The following TLK1 variants were observed in gnomAD, a reference collection of about 807,000 sequenced individuals.
The protein encoded by TLK1 is tousled like kinase 1.
A neutral mutation model predicts 105.3 loss-of-function variants in TLK1; 24 were observed. The ratio of observed to expected loss-of-function variants is 0.23; its 90% CI spans 0.17 to 0.32. TLK1 has a LOEUF of 0.32. TLK1 is among the 10% of genes least tolerant of loss of function. The pLI, the probability that TLK1 is intolerant of heterozygous loss-of-function variation, is 1.00. For missense variants in TLK1, 558 were observed against 910.5 expected (o/e 0.61, Z 4.98); for synonymous variants, 321 against 310.4 (o/e 1.03, Z -0.36).
At chr2:171,139,611 C>CA (rs757596743) in intron 1 of TLK1, among the ~76,000 whole-genome samples, 17 of 151,610 alleles carry the variant, frequency 1.1e-4, no homozygotes, top group South Asian at 2.1e-4. Flanking sequence ...AACAAACAAA[C>CA]AACAACAACA....
At chr2:171,101,579 T>C (rs10173304) in intron 2 of TLK1, among the ~76,000 whole-genome samples, 10,211 of 152,192 alleles carry the variant, frequency 0.067, 1,049 homozygotes, top group African/African-American at 0.22. Flanking sequence ...CATAAAAAAG[T>C]GAATACATTA....
chr2:171,180,091 T>C (rs1002675527), intron 1 of TLK1, among the ~76,000 whole-genome samples: 1 of 124,634 alleles, frequency 8.0e-6, no homozygotes, highest in East Asian at 2.5e-4. Context: ...TGAGACTCTG[T>C]CTCAAAAAAA....
chr2:171,161,312 C>T (rs1000609295), upstream of TLK1, among the ~76,000 whole-genome samples: 14 of 152,090 alleles, frequency 9.2e-5, no homozygotes, highest in Non-Finnish European at 2.1e-4. Context: ...TGCTGCTGCT[C>T]TCGCTCAGCT....
intron 8 of TLK1, among the ~76,000 whole-genome samples, chr2:171,050,496 C>T (rs1405698884): frequency 6.6e-6 from 1 of 152,092 alleles, no homozygotes; most frequent in Non-Finnish European, 1.5e-5. Context: ...CACAATCTAC[C>T]TCACTTTGTT....
intron 2 of TLK1, among the ~76,000 whole-genome samples, chr2:171,109,484 C>T (rs1201719282): frequency 4.6e-5 from 7 of 152,066 alleles, no homozygotes; most frequent in African/African-American, 1.2e-4. Flanking sequence ...TTAAAATAAA[C>T]GAGCTGATAT....
At position 170,993,816 on chromosome 2, in the gene TLK1, G is replaced by A; in HGVS notation, c.2265C>T (p.Ser755=). ...TTATGCTTGAAGAAGGGGGTGTAGG[G>A]GATGCTGTCAGCCCAGCCATGTGTA... The part of the protein sequence containing the change: ...GNLHMAGLTA[S]PTPPSSSIIT... The change falls in exon 21 of 21, where the codon TCC becomes TCT. Residue 755 remains serine, a synonymous_variant. Coordinates refer to ENST00000431350, the MANE Select transcript of TLK1 (RefSeq NM_012290.5). The A allele has an allele frequency of 6.2e-7, 1 of 1,610,248 alleles. No homozygotes were observed. Among genetic ancestry groups the A allele is most frequent in the African/African-American group, 1.3e-5 (1 of 74,866 alleles).
intron 10 of TLK1, among the ~76,000 whole-genome samples, chr2:171,049,250 C>T (rs572257499): frequency 2.3e-4 from 35 of 152,226 alleles, no homozygotes; most frequent in Non-Finnish European, 4.3e-4. Context: ...CTGTAACAAC[C>T]TGCATATATA....
chr2:171,035,445 C>A (rs1686280137), intron 11 of TLK1, among the ~76,000 whole-genome samples: 2 of 152,156 alleles, frequency 1.3e-5, no homozygotes, highest in African/African-American at 4.8e-5. Context: ...ATTATGAGGC[C>A]TCCCCAACCA....
At chr2:171,224,238 T>C (rs1693858870) in intron 1 of TLK1, among the ~76,000 whole-genome samples, 1 of 152,204 alleles carries the variant, frequency 6.6e-6, no homozygotes, top group Non-Finnish European at 1.5e-5. Context: ...GGCACTGTTG[T>C]AAAAAATCAG....
chr2:171,049,961 G>GA lies in TLK1; in HGVS notation c.844-12dup, dbSNP rs764814529. On this transcript the variant is annotated splice_polypyrimidine_tract_variant and intron_variant, in intron 9 of 20. Transcript: ENST00000431350. Reference sequence around the variant, plus strand: ...CTTTTCTTGTGTACTCTGAAAAGGAGAAAAAAAATCATCACTCAATTGTAT... The same window carrying GA: ...CTTTTCTTGTGTACTCTGAAAAGGAGAAAAAAAAATCATCACTCAATTGTAT... 7.1e-6 allele frequency: 11 copies of GA among 1,551,604 alleles called. No individual in the cohort carries two copies. Among genetic ancestry groups the GA allele is most frequent in the South Asian group, 2.2e-5 (2 of 89,330 alleles).
At chr2:171,086,542 C>A (rs1688981678) in intron 2 of TLK1, among the ~76,000 whole-genome samples, 1 of 151,328 alleles carries the variant, frequency 6.6e-6, no homozygotes, top group Admixed American at 6.6e-5. Flanking sequence ...AGGAGAAATG[C>A]TTGAATCTGG....
At chr2:170,996,962 A>T (rs1684094695) in intron 19 of TLK1, among the ~76,000 whole-genome samples, 1 of 152,250 alleles carries the variant, frequency 6.6e-6, no homozygotes, top group Non-Finnish European at 1.5e-5. Context: ...TACCTAACAG[A>T]TCTTCAACAT....
chr2:171,022,739 C>T (rs1685586704), intron 12 of TLK1: 1 of 173,650 alleles, frequency 5.8e-6, no homozygotes, highest in Admixed American at 5.7e-5. Flanking sequence ...CCTAAAGTGA[C>T]AAAAAATGTC....
At chr2:171,135,234 T>G (rs964765373) in intron 1 of TLK1, among the ~76,000 whole-genome samples, 1 of 152,006 alleles carries the variant, frequency 6.6e-6, no homozygotes, top group Non-Finnish European at 1.5e-5. Flanking sequence ...AATGTCTTGC[T>G]GGAAAAATTA....
chr2:171,068,083 T>C (rs1016376814), intron 3 of TLK1, among the ~76,000 whole-genome samples: 7 of 152,058 alleles, frequency 4.6e-5, no homozygotes, highest in African/African-American at 1.4e-4. Flanking sequence ...TTCTAGCACT[T>C]TGGGAGGCCA....
intron 1 of TLK1, among the ~76,000 whole-genome samples, chr2:171,218,863 A>C (rs946578994): frequency 6.6e-6 from 1 of 152,220 alleles, no homozygotes; most frequent in Non-Finnish European, 1.5e-5. Context: ...ATTAAGTTTC[A>C]ACCTAAATTT....
At chr2:171,210,147 C>T (rs7568580) in intron 1 of TLK1, among the ~76,000 whole-genome samples, 12,535 of 152,170 alleles carry the variant, frequency 0.082, 649 homozygotes, top group South Asian at 0.13. Flanking sequence ...CATGATCAGC[C>T]AAGCAACTGA....
At chr2:171,007,454 T>C (rs1158516211) in intron 14 of TLK1, among the ~76,000 whole-genome samples, 1 of 152,058 alleles carries the variant, frequency 6.6e-6, no homozygotes, top group African/African-American at 2.4e-5. Context: ...AAATCTATCT[T>C]TTCCTAGCAA....
At chr2:171,214,077 A>C (rs1693670054) in intron 1 of TLK1, among the ~76,000 whole-genome samples, 1 of 151,270 alleles carries the variant, frequency 6.6e-6, no homozygotes, top group East Asian at 2.0e-4. Flanking sequence ...ATGGTGGCAC[A>C]TGCCTGTAGT....
Sources: allele counts gnomAD v4.1 joint callset (sites outside exome capture counted in the v4.1 genomes callset), GRCh38; gene constraint gnomAD v4.1.1; transcripts MANE v1.5; gene names NCBI Gene and HGNC (gene_info 2026-07-23, HGNC 2026-07-21).